Variants in ITPR1 observed in about 807,000 individuals in gnomAD.
ITPR1 encodes inositol 1,4,5-trisphosphate receptor type 1, also known as inositol 1,4,5-trisphosphate-gated calcium channel ITPR1.
Under a neutral mutation model 318.4 loss-of-function variants are expected in ITPR1, and 96 were observed. The observed-to-expected ratio is 0.30, with a 90% CI of 0.26 to 0.36. The LOEUF (loss-of-function observed/expected upper bound fraction) is 0.36, where lower values mean the gene tolerates loss of function less well. Among genes scored for constraint, ITPR1 ranks in the 10% least tolerant of loss-of-function variants. The probability of loss-of-function intolerance (pLI) is 1.00; values close to 1 mark genes in which losing one functional copy is unlikely to be tolerated. For synonymous variants in ITPR1, 1,312 were observed against 1,289.9 expected (o/e 1.02, Z -0.37); for missense variants, 2,440 against 3,460.2 (o/e 0.71, Z 7.40).
intron 4 of ITPR1, among the ~76,000 whole-genome samples, chr3:4,535,070 A>T (rs2083737186): frequency 6.6e-6 from 1 of 152,028 alleles, no homozygotes; most frequent in Non-Finnish European, 1.5e-5. Context: ...AACCAGTAGG[A>T]ACAGAGTATT....
chr3:4,532,992 G>T (rs906585116), intron 4 of ITPR1, among the ~76,000 whole-genome samples: 1 of 152,234 alleles, frequency 6.6e-6, no homozygotes, highest in Non-Finnish European at 1.5e-5. Context: ...GAGGTTAGAT[G>T]GATGATTCCA....
At chr3:4,648,669 G>C (rs1356142774) in intron 10 of ITPR1, among the ~76,000 whole-genome samples, 1 of 152,134 alleles carries the variant, frequency 6.6e-6, no homozygotes, top group Non-Finnish European at 1.5e-5. Context: ...AATTAGCCAG[G>C]CATGATGGCA....
At chr3:4,699,999 T>C in intron 35 of ITPR1, 58 bp downstream of exon 35, 2 of 1,542,750 alleles carry the variant, frequency 1.3e-6, no homozygotes, top group Non-Finnish European at 1.8e-6. Flanking sequence ...CAGTTGGGCT[T>C]GATGTGAATT....
intron 4 of ITPR1, among the ~76,000 whole-genome samples, chr3:4,569,398 A>G (rs2087742325): frequency 6.6e-6 from 1 of 152,270 alleles, no homozygotes; most frequent in South Asian, 2.1e-4. Context: ...ATTTATAAAC[A>G]AAGGACATTT....
chr3:4,602,514 G>A (rs991067200), intron 4 of ITPR1, among the ~76,000 whole-genome samples: 2 of 127,080 alleles, frequency 1.6e-5, no homozygotes, highest in African/African-American at 3.1e-5. Flanking sequence ...GGTAATGGGA[G>A]TGAGACCCTC....
chr3:4,658,799 G>A (rs538507211), intron 13 of ITPR1, among the ~76,000 whole-genome samples: 1 of 151,832 alleles, frequency 6.6e-6, no homozygotes, highest in South Asian at 2.1e-4. Context: ...TTTTTCAGGG[G>A]ACATAACTGG....
intron 4 of ITPR1, among the ~76,000 whole-genome samples, chr3:4,567,063 C>A (rs1349162098): frequency 6.6e-6 from 1 of 152,128 alleles, no homozygotes; most frequent in Non-Finnish European, 1.5e-5. Flanking sequence ...CTCAGTTTCC[C>A]CATCTGTAAA....
intron 51 of ITPR1, among the ~76,000 whole-genome samples, chr3:4,787,170 G>C (rs1013008008): frequency 6.6e-6 from 1 of 151,850 alleles, no homozygotes; most frequent in African/African-American, 2.4e-5. Flanking sequence ...AAAGTTCTAG[G>C]GATAGCACCA....
At chr3:4,813,557 TG>T (rs1445281488) in intron 57 of ITPR1, among the ~76,000 whole-genome samples, 1 of 151,918 alleles carries the variant, frequency 6.6e-6, no homozygotes, top group African/African-American at 2.4e-5. Flanking sequence ...GGAATAAGGA[TG>T]GAATACAGAA....
chr3:4,640,224 C>A (rs4074087), intron 6 of ITPR1, among the ~76,000 whole-genome samples: 22,107 of 152,174 alleles, frequency 0.15, 2,368 homozygotes, highest in East Asian at 0.52. Flanking sequence ...CTATGTAAAC[C>A]TTACTAATTA....
At chr3:4,674,890 A>G (rs971450682) in intron 22 of ITPR1, among the ~76,000 whole-genome samples, 178 bp from the exon 23 acceptor site, 1 of 142,492 alleles carries the variant, frequency 7.0e-6, no homozygotes, top group African/African-American at 2.6e-5. Context: ...TCCATTTCTT[A>G]TTTTTCCTCC....
intron 5 of ITPR1, among the ~76,000 whole-genome samples, chr3:4,631,961 C>A (rs1340958271): frequency 6.6e-6 from 1 of 152,194 alleles, no homozygotes; most frequent in African/African-American, 2.4e-5. Flanking sequence ...CGACAGATAA[C>A]TTTTTAACTT....
intron 4 of ITPR1, among the ~76,000 whole-genome samples, chr3:4,564,476 G>A (rs778088902): frequency 3.3e-5 from 5 of 152,158 alleles, no homozygotes; most frequent in Non-Finnish European, 7.3e-5. Context: ...CTTAACTAAT[G>A]ACAACTGTAA....
In ITPR1 at chr3:4,759,902, G is replaced by C. The variant is rs554120414; in HGVS notation, c.5545-6628G>C. ...GTCCAGTGGATTCAGGATGGAAACA[G>C]CCACTGCCGGGGTCACTGCCTCACC... On this transcript the variant is annotated intron_variant, in intron 44 of 61. Coordinates refer to ENST00000649015, the MANE Select transcript of ITPR1 (RefSeq NM_001378452.1). Among the ~76,000 whole-genome samples the C allele has an allele frequency of 1.2e-3, 178 of 152,316 alleles. 1 individual carries two copies. The highest frequency in any genetic ancestry group is 2.1e-3 in the Non-Finnish European group (145 of 68,030).
chr3:4,676,963 C>T (rs146408595), intron 24 of ITPR1, among the ~76,000 whole-genome samples, 162 bp downstream of exon 24: 11 of 152,256 alleles, frequency 7.2e-5, no homozygotes, highest in African/African-American at 9.6e-5. Flanking sequence ...CCTCTTAATC[C>T]CTTTACTGCT....
chr3:4,539,109 C>T (rs898883919), intron 4 of ITPR1, among the ~76,000 whole-genome samples: 3 of 152,158 alleles, frequency 2.0e-5, no homozygotes, highest in South Asian at 4.1e-4. Context: ...TTAGTTTCTT[C>T]CTACACATTT....
At chr3:4,822,069 C>A (rs1259358191) in intron 60 of ITPR1, among the ~76,000 whole-genome samples, 2 of 152,198 alleles carry the variant, frequency 1.3e-5, no homozygotes, top group African/African-American at 4.8e-5. Flanking sequence ...TCTGTGCCTT[C>A]CCTCGCCGTG....
intron 4 of ITPR1, among the ~76,000 whole-genome samples, chr3:4,611,769 T>C (rs1204385583): frequency 6.6e-6 from 1 of 152,110 alleles, no homozygotes; most frequent in Non-Finnish European, 1.5e-5. Flanking sequence ...ATAAACTTGC[T>C]TTGAATTCAA....
At chr3:4,505,058 A>G (rs2081304078) in intron 2 of ITPR1, among the ~76,000 whole-genome samples, 1 of 151,782 alleles carries the variant, frequency 6.6e-6, no homozygotes. Flanking sequence ...AAAAAGTGAA[A>G]CGGTGCCTTT....
Sources: allele counts gnomAD v4.1 joint callset (sites outside exome capture counted in the v4.1 genomes callset), GRCh38; gene constraint gnomAD v4.1.1; transcripts MANE v1.5; gene names NCBI Gene and HGNC (gene_info 2026-07-23, HGNC 2026-07-21).